The following SHMT1 variants were observed in gnomAD, a reference collection of about 807,000 sequenced individuals.
SHMT1 encodes serine hydroxymethyltransferase, cytosolic.
SHMT1 carries 45 observed loss-of-function variants against 49.0 expected under a neutral mutation model. That is an observed-to-expected ratio of 0.92 (90% CI 0.72 to 1.18). The LOEUF (loss-of-function observed/expected upper bound fraction) is 1.18, where lower values mean the gene tolerates loss of function less well. SHMT1 is among the 50% of genes most tolerant of loss of function. The pLI, the probability that SHMT1 is intolerant of heterozygous loss-of-function variation, is 0.00. For synonymous variants in SHMT1, 232 were observed against 246.6 expected, an observed-to-expected ratio of 0.94 and a Z score of 0.55; for missense variants, 541 against 612.4, an observed-to-expected ratio of 0.88 and a Z score of 1.23.
At chr17:18,336,007 G>A (rs991438180) in intron 7 of SHMT1, among the ~76,000 whole-genome samples, 11 of 152,166 alleles carry the variant, frequency 7.2e-5, no homozygotes, top group East Asian at 1.9e-4. Flanking sequence ...GGCTGGACGC[G>A]GTGGCTCACA....
chr17:18,347,207 G>A (rs922331512), intron 5 of SHMT1, among the ~76,000 whole-genome samples: 27 of 152,194 alleles, frequency 1.8e-4, no homozygotes, highest in Admixed American at 1.6e-3. Context: ...CTATTCCCCA[G>A]GGTTGCTATT....
intron 8 of SHMT1, 69 bp from the exon 9 acceptor site, chr17:18,333,357 A>G (rs1983445214): frequency 1.3e-6 from 2 of 1,516,706 alleles, no homozygotes; most frequent in Non-Finnish European, 1.8e-6. Flanking sequence ...GTCAAACAAC[A>G]TTCCTGTTTT....
At chr17:18,335,805 T>G in intron 7 of SHMT1, 130 bp from the exon 8 acceptor site, 1 of 776,332 alleles carries the variant, frequency 1.3e-6, no homozygotes, top group Non-Finnish European at 2.3e-6. Flanking sequence ...GGAGAACTGA[T>G]TTGTAACACA....
In SHMT1 at chr17:18,333,302, G is replaced by C. The variant is rs779499133; in HGVS notation, c.932-14C>G. 9.5e-5 allele frequency: 153 copies of C among 1,612,350 alleles called. 1 individual carries two copies. Among genetic ancestry groups the C allele is most frequent in the African/African-American group, 1.3e-4 (10 of 74,908 alleles). On this transcript the variant is annotated splice_polypyrimidine_tract_variant and intron_variant, in intron 8 of 11. Transcript: ENST00000316694. ...CCACAGCAACCCCTGGACAAGAAGA[G>C]ACAATGGGTCAGGAGGCTAGGATAG... is the stretch of plus-strand genomic sequence containing the variant.
chr17:18,340,880 C>T lies in SHMT1; in HGVS notation c.520-67G>A, dbSNP rs1984433150. On this transcript the variant is annotated intron_variant, in intron 5 of 11. Transcript: ENST00000316694. This position sits in a 1 kb window ranked among gnomAD's most constrained non-coding sequence, Gnocchi z 4.5. The stretch of plus-strand genomic sequence containing the variant: ...ACCACACCTGCCTCCTGTCCTCCCA[C>T]TTGAACTGGCTCCACCCACCATGAC... 9.0e-7 allele frequency: 1 copy of T among 1,112,216 alleles called. No individual in the cohort carries two copies. Among genetic ancestry groups the T allele is most frequent in the Admixed American group, 2.0e-5 (1 of 50,682 alleles). 68.9% of individuals were successfully genotyped at this position (1,112,216 alleles called of 1,614,324 possible). A position where few individuals can be genotyped will look rare whatever the true frequency, so the allele number is the denominator to read the frequency against.
intron 3 of SHMT1, among the ~76,000 whole-genome samples, chr17:18,351,644 C>T (rs979342915): frequency 6.6e-6 from 1 of 151,872 alleles, no homozygotes; most frequent in Admixed American, 6.6e-5. Flanking sequence ...TGTGGTGGCA[C>T]GTGCCTATAG....
At chr17:18,354,280 A>G (rs641028) in intron 2 of SHMT1, among the ~76,000 whole-genome samples, 106,890 of 151,926 alleles carry the variant, frequency 0.7, 38,361 homozygotes, top group African/African-American at 0.86. Flanking sequence ...TTAGCCGGGC[A>G]TGGTGGCACA....
intron 11 of SHMT1, 115 bp from the exon 12 acceptor site, chr17:18,329,034 A>T: frequency 3.0e-6 from 4 of 1,340,302 alleles, no homozygotes; most frequent in Non-Finnish European, 4.2e-6. Context: ...GTGGCAGGGC[A>T]CAAGGTCTCC....
At chr17:18,343,770 A>G (rs1984785856) in intron 5 of SHMT1, among the ~76,000 whole-genome samples, 1 of 150,752 alleles carries the variant, frequency 6.6e-6, no homozygotes, top group Non-Finnish European at 1.5e-5. Flanking sequence ...AAATACAAAA[A>G]TTAGCCAGGC....
chr17:18,357,503 T>G (rs1986351756), intron 1 of SHMT1, among the ~76,000 whole-genome samples: 1 of 152,066 alleles, frequency 6.6e-6, no homozygotes, highest in South Asian at 2.1e-4. Flanking sequence ...ACCAGTAGTA[T>G]TTTATAAATG....
chr17:18,351,285 C>T (rs867101623), intron 3 of SHMT1, among the ~76,000 whole-genome samples: 4 of 151,924 alleles, frequency 2.6e-5, no homozygotes, highest in South Asian at 2.1e-4. Context: ...GGACTACAGG[C>T]GCCAGCCACC....
At chr17:18,362,192 G>A (rs1442452717) in intron 1 of SHMT1, among the ~76,000 whole-genome samples, 1 of 152,218 alleles carries the variant, frequency 6.6e-6, no homozygotes, top group Non-Finnish European at 1.5e-5. Flanking sequence ...CTGAACAATG[G>A]TTTCTCTTCA....
In SHMT1 at chr17:18,340,241, A is replaced by G. The variant is rs532563885; in HGVS notation, c.616T>C (p.Ser206Pro). The change falls in exon 7 of 12, where the codon TCC becomes CCC. Residue 206 changes from serine (S) to proline (P), a missense_variant. Physicochemically the swap from Ser to Pro is moderately conservative, Grantham distance 74. Coordinates refer to ENST00000316694, the MANE Select transcript of SHMT1 (RefSeq NM_004169.5). This position sits in a 1 kb window ranked among gnomAD's most constrained non-coding sequence, Gnocchi z 4.5. The part of the protein sequence containing the change: ...KLIIAGTSCY[S>P]RNLEYARLRK... ...AGCCGGGCATATTCCAGGTTTCGGGAGTAGCAGCTGGTTCCTGAGACAGGA... is the reference window on the plus strand; with the variant it reads ...AGCCGGGCATATTCCAGGTTTCGGGGGTAGCAGCTGGTTCCTGAGACAGGA... The G allele has an allele frequency of 5.6e-6, 9 of 1,614,094 alleles. No individual in the cohort carries two copies. The South Asian group carries it at 9.9e-5, about 18-fold the overall frequency.
chr17:18,351,710 GCTGCAGTGAGCCGAGATTGTGCCA>G (rs1985724052), intron 3 of SHMT1, among the ~76,000 whole-genome samples: 1 of 151,978 alleles, frequency 6.6e-6, no homozygotes, highest in African/African-American at 2.4e-5. Context: ...GGAGGTGGAG[GCTGCAGTGAGCCGAGATTGTGCCA>G]CTGCACTCCA....
Position 18,340,651 on chromosome 17 carries a change from G to T in SHMT1, c.601+81C>A. 1 of 1,233,794 alleles carries T rather than the reference G, an allele frequency of 8.1e-7. No individual in the cohort carries two copies. The highest frequency in any genetic ancestry group is 1.2e-6 in the Non-Finnish European group (1 of 855,840). 76.4% of individuals were successfully genotyped at this position (1,233,794 alleles called of 1,614,324 possible). ...AGAAACTAGCAGTGGGCTCAACAGGGTGCGAACATCTTTCCATCCTCATTC... is the reference window on the plus strand; with the variant it reads ...AGAAACTAGCAGTGGGCTCAACAGGTTGCGAACATCTTTCCATCCTCATTC... On this transcript the variant is annotated intron_variant, in intron 6 of 11. Coordinates refer to ENST00000316694, the MANE Select transcript of SHMT1 (RefSeq NM_004169.5). This position sits in a 1 kb window ranked among gnomAD's most constrained non-coding sequence, Gnocchi z 4.5.
intron 5 of SHMT1, among the ~76,000 whole-genome samples, chr17:18,343,599 A>G (rs1252451883): frequency 1.0e-5 from 1 of 98,672 alleles, no homozygotes; most frequent in Non-Finnish European, 2.0e-5. Context: ...CAAGAGGGAA[A>G]CTTTGTCTCA....
intron 5 of SHMT1, among the ~76,000 whole-genome samples, chr17:18,345,767 G>A (rs538538226): frequency 1.9e-4 from 29 of 151,882 alleles, no homozygotes; most frequent in Admixed American, 8.5e-4. Flanking sequence ...TGCAACCTCC[G>A]CCTCCCAGGT....
At chr17:18,336,504 A>G (rs1442809563) in intron 7 of SHMT1, among the ~76,000 whole-genome samples, 1 of 151,558 alleles carries the variant, frequency 6.6e-6, no homozygotes, top group African/African-American at 2.4e-5. Flanking sequence ...TGTCTCTACT[A>G]ATAATACAAA....
chr17:18,354,515 G>C (rs948074562), intron 2 of SHMT1, among the ~76,000 whole-genome samples: 12 of 152,320 alleles, frequency 7.9e-5, no homozygotes, highest in African/African-American at 2.9e-4. Context: ...AGAATCGCTT[G>C]AACCTGGGAG....
Sources: allele counts gnomAD v4.1 joint callset (sites outside exome capture counted in the v4.1 genomes callset), GRCh38; gene constraint gnomAD v4.1.1; non-coding constraint Gnocchi (gnomAD v3.1); transcripts MANE v1.5; gene names NCBI Gene and HGNC (gene_info 2026-07-23, HGNC 2026-07-21).